Variants in DCDC2C observed in about 807,000 individuals in gnomAD.
DCDC2C encodes the protein doublecortin domain containing 2C, also known as doublecortin domain-containing protein 2C.
Under a neutral mutation model 45.0 loss-of-function variants are expected in DCDC2C, and 44 were observed. The ratio of observed to expected loss-of-function variants is 0.98; its 90% CI spans 0.77 to 1.26. The LOEUF is 1.26. Among genes scored for constraint, DCDC2C ranks in the 50% most tolerant of loss-of-function variants. The pLI is 0.00. For synonymous variants in DCDC2C, 187 were observed against 178.8 expected (o/e 1.05, Z -0.37); for missense variants, 447 against 468.9 (o/e 0.95, Z 0.43).
intron 8 of DCDC2C, among the ~76,000 whole-genome samples, chr2:3,773,334 T>C (rs542900241): frequency 1.2e-4 from 18 of 152,332 alleles, no homozygotes; most frequent in Non-Finnish European, 2.2e-4. Flanking sequence ...GAATTTTTAA[T>C]TTTTGGTTAT....
At chr2:3,816,758 T>C (rs1671568806) in intron 10 of DCDC2C, among the ~76,000 whole-genome samples, 1 of 152,192 alleles carries the variant, frequency 6.6e-6, no homozygotes, top group Non-Finnish European at 1.5e-5. Flanking sequence ...ACTTGGGGCA[T>C]GTAAGTAAAG....
At chr2:3,778,508 G>T (rs1670415424) in intron 8 of DCDC2C, among the ~76,000 whole-genome samples, 1 of 152,200 alleles carries the variant, frequency 6.6e-6, no homozygotes, top group Admixed American at 6.5e-5. Context: ...GAGGGCCCTG[G>T]GTGGGGTCCT....
At chr2:3,755,165 A>G (rs185969519) in intron 6 of DCDC2C, among the ~76,000 whole-genome samples, 1 of 151,152 alleles carries the variant, frequency 6.6e-6, no homozygotes, top group East Asian at 1.9e-4. Context: ...ATGCATGTGT[A>G]TGTATGGATG....
rs534276621 is a variant in DCDC2C at position 3,773,855 on chromosome 2, G to C, written c.954+4444G>C. 5.9e-5 allele frequency among the ~76,000 whole-genome samples: 9 copies of C among 152,320 alleles called. No homozygotes were observed. The South Asian group carries it at 1.2e-3, about 21-fold the overall frequency. On this transcript the variant is annotated intron_variant, in intron 8 of 10. Transcript: ENST00000399143. ...CAAACCCCAGGTCTTCAGCTGATGC[G>C]TGAGAAGCATGGTTTGACTGAAATC...
At chr2:3,764,711 A>C (rs1014850476) in intron 6 of DCDC2C, among the ~76,000 whole-genome samples, 4 of 152,232 alleles carry the variant, frequency 2.6e-5, no homozygotes, top group Non-Finnish European at 4.4e-5. Context: ...CTTTCTATAA[A>C]GCAATGCAAG....
At chr2:3,785,901 C>T (rs1670639190) in intron 10 of DCDC2C, among the ~76,000 whole-genome samples, 1 of 152,190 alleles carries the variant, frequency 6.6e-6, no homozygotes, top group South Asian at 2.1e-4. Flanking sequence ...TTGGCTGCTT[C>T]AGTACCTGCC....
intron 10 of DCDC2C, among the ~76,000 whole-genome samples, chr2:3,838,454 GAGA>G (rs1672134219): frequency 3.0e-5 from 2 of 65,994 alleles, no homozygotes; most frequent in Non-Finnish European, 7.1e-5. Context: ...GATCATGACA[GAGA>G]GAGAGAGAGA....
At chr2:3,821,403 GCTATGAT>G (rs1671684297) in intron 10 of DCDC2C, among the ~76,000 whole-genome samples, 1 of 152,162 alleles carries the variant, frequency 6.6e-6, no homozygotes, top group African/African-American at 2.4e-5. Context: ...TACTGAACTG[GCTATGAT>G]CTCCTGTGAG....
chr2:3,808,292 C>G (rs141557457), intron 10 of DCDC2C, among the ~76,000 whole-genome samples: 4 of 152,236 alleles, frequency 2.6e-5, no homozygotes, highest in Non-Finnish European at 5.9e-5. Context: ...AATGACATTG[C>G]GCATCTTTTC....
chr2:3,801,531 T>C (rs1169940554), intron 10 of DCDC2C, among the ~76,000 whole-genome samples: 1 of 152,248 alleles, frequency 6.6e-6, no homozygotes, highest in Admixed American at 6.5e-5. Context: ...AGAAAAAATC[T>C]CTAAAACTGT....
chr2:3,800,796 G>C (rs1314386193), intron 10 of DCDC2C, among the ~76,000 whole-genome samples: 1 of 124,730 alleles, frequency 8.0e-6, no homozygotes, highest in African/African-American at 2.5e-5. Flanking sequence ...AACACTGCAA[G>C]TGTGTTGAAG....
rs1389921967 is a variant in DCDC2C at position 3,748,008 on chromosome 2, T to C, written c.546-4755T>C. Among the ~76,000 whole-genome samples the C allele has an allele frequency of 5.9e-5, 9 of 151,794 alleles. 1 individual carries two copies. The highest frequency in any genetic ancestry group is 5.2e-4 in the Admixed American group (8 of 15,246). On this transcript the variant is annotated intron_variant, in intron 4 of 10. Transcript: ENST00000399143. ...CACATCATGATCTGGGTGGAGATCG[T>C]CCCCATCAGAGGGACCCTCAGGCAC...
chr2:3,778,383 G>A (rs57213060), intron 8 of DCDC2C, among the ~76,000 whole-genome samples: 15,393 of 152,262 alleles, frequency 0.1, 1,068 homozygotes, highest in East Asian at 0.3. Context: ...ACAGATCCTT[G>A]TCTTCTGCCA....
intron 8 of DCDC2C, among the ~76,000 whole-genome samples, chr2:3,777,682 G>A (rs1030735469): frequency 6.6e-5 from 10 of 152,170 alleles, no homozygotes; most frequent in African/African-American, 2.4e-4. Flanking sequence ...ATACAGCCTT[G>A]GTCTGAGTTT....
intron 2 of DCDC2C, among the ~76,000 whole-genome samples, chr2:3,708,802 G>C (rs1408435890): frequency 6.6e-6 from 1 of 152,248 alleles, no homozygotes; most frequent in African/African-American, 2.4e-5. Context: ...AGGCAGTGAA[G>C]AGAGGCTAAG....
intron 10 of DCDC2C, among the ~76,000 whole-genome samples, chr2:3,834,280 A>G (rs1002281879): frequency 6.6e-6 from 1 of 152,196 alleles, no homozygotes; most frequent in Admixed American, 6.5e-5. Flanking sequence ...GTATAATGAC[A>G]TGCATTCCCC....
chr2:3,732,599 G>A (rs1030679136), intron 3 of DCDC2C, among the ~76,000 whole-genome samples: 1 of 152,118 alleles, frequency 6.6e-6, no homozygotes, highest in Admixed American at 6.5e-5. Flanking sequence ...CTGTGTAAAG[G>A]CTGATCAAGG....
chr2:3,718,515 G>A (rs1222771355), intron 2 of DCDC2C, among the ~76,000 whole-genome samples: 1 of 152,172 alleles, frequency 6.6e-6, no homozygotes, highest in Non-Finnish European at 1.5e-5. Flanking sequence ...CAGACCCCAG[G>A]TTGGTCCCAA....
At chr2:3,708,696 C>T (rs1668131862) in intron 2 of DCDC2C, 96 bp downstream of exon 2, 3 of 892,332 alleles carry the variant, frequency 3.4e-6, no homozygotes, top group Non-Finnish European at 1.8e-6. Context: ...TTCACAGAAG[C>T]AGTAAATGCC....
Sources: gnomAD v4.1 joint callset for allele counts (sites outside exome capture counted in the v4.1 genomes callset) on GRCh38, gnomAD v4.1.1 for gene constraint, MANE v1.5 for transcripts, NCBI Gene and HGNC (gene_info 2026-07-23, HGNC 2026-07-21) for gene names.